Variants in PTCHD4 observed in about 807,000 individuals in gnomAD.
The protein encoded by PTCHD4 is patched domain containing 4, also known as patched domain-containing protein 4.
Under a neutral mutation model 58.1 loss-of-function variants are expected in PTCHD4, and 33 were observed. The ratio of observed to expected loss-of-function variants is 0.57; its 90% confidence interval spans 0.43 to 0.76. The LOEUF is 0.76. PTCHD4 is among the 30% of genes least tolerant of loss of function. The pLI, the probability that PTCHD4 is intolerant of heterozygous loss-of-function variation, is 0.00. For missense variants in PTCHD4, 1,058 were observed against 1,027.1 expected, an observed-to-expected ratio of 1.03 and a Z score of -0.41; for synonymous variants, 478 against 409.6, an observed-to-expected ratio of 1.17 and a Z score of -2.02.
chr6:48,076,580 G>A lies in PTCHD4; in HGVS notation c.-969-6654C>T, dbSNP rs530640018. Among the ~76,000 whole-genome samples the A allele has an allele frequency of 4.6e-5, 7 of 152,320 alleles. No homozygotes were observed. In the East Asian group the frequency reaches 1.3e-3, roughly 29 times the overall value. The stretch of plus-strand genomic sequence containing the variant: ...GGACTGAAGAATGGATGATGTATTA[G>A]CAGGCATGAAAACAATGACCATCTT... On this transcript the variant is annotated intron_variant, in intron 1 of 4. Coordinates refer to ENST00000339488, the MANE Select transcript of PTCHD4 (RefSeq NM_001384253.1).
chr6:48,039,668 GA>G (rs1263122445), intron 3 of PTCHD4, among the ~76,000 whole-genome samples: 3 of 152,080 alleles, frequency 2.0e-5, no homozygotes, highest in African/African-American at 7.2e-5. Context: ...AAAAGGTAGA[GA>G]AAAAATACTT....
chr6:47,909,555 C>T (rs1355976526), intron 4 of PTCHD4, among the ~76,000 whole-genome samples: 1 of 151,994 alleles, frequency 6.6e-6, no homozygotes, highest in Non-Finnish European at 1.5e-5. Flanking sequence ...TCAAGCGGTC[C>T]TTCTATCTTG....
At chr6:47,962,012 A>G (rs1006719183) in intron 4 of PTCHD4, among the ~76,000 whole-genome samples, 1 of 152,166 alleles carries the variant, frequency 6.6e-6, no homozygotes, top group African/African-American at 2.4e-5. Context: ...AAATTAATTC[A>G]AATCTAACCA....
rs145846867 is a variant in PTCHD4, at chr6:47,890,252, G to T, written c.899-10316C>A. On this transcript the variant is annotated intron_variant, in intron 4 of 4. Transcript: ENST00000339488. ...TATATGGAGAGAAAAAGTGAGAAGA[G>T]AAATAGCAATAGAGATGGGAGATGG... Among the ~76,000 whole-genome samples the T allele has an allele frequency of 2.0e-5, 3 of 151,826 alleles. No individual in the cohort carries two copies. In the East Asian group the frequency reaches 5.8e-4, roughly 29 times the overall value.
At chr6:47,989,352 T>C (rs1039089526) in intron 4 of PTCHD4, among the ~76,000 whole-genome samples, 9 of 152,288 alleles carry the variant, frequency 5.9e-5, no homozygotes, top group African/African-American at 2.2e-4. Context: ...GAAGAGGAAT[T>C]CAAGCCAGCT....
Position 47,878,135 on chromosome 6 carries a change from C to A in PTCHD4, c.*168G>T. The A allele has an allele frequency of 1.9e-6, 1 of 532,734 alleles. No homozygotes were observed. The highest frequency in any genetic ancestry group is 4.0e-5 in the South Asian group (1 of 24,882). The allele number at this position is 532,734 out of a possible 1,614,324, so 33.0% of individuals were successfully genotyped here. A position where few individuals can be genotyped will look rare whatever the true frequency, so the allele number is the denominator to read the frequency against. ...ATAACTTTTTCCTCTTTTTTTATTC[C>A]CTCTTCCCCCCAAGAAGCAGGCACC... On this transcript the variant is annotated 3_prime_UTR_variant, in exon 5 of 5. Transcript: ENST00000339488.
intron 4 of PTCHD4, among the ~76,000 whole-genome samples, chr6:47,949,985 T>G (rs1432489993): frequency 6.6e-6 from 1 of 151,700 alleles, no homozygotes; most frequent in Non-Finnish European, 1.5e-5. Flanking sequence ...ACCCATTAAC[T>G]CATCATTTAG....
chr6:47,869,515 G>T lies in PTCHD4; in HGVS notation c.*8788C>A, dbSNP rs962079572. The stretch of plus-strand genomic sequence containing the variant: ...GAAGGTAACATAATTATTAAGGGGT[G>T]TTAAAGTGCTATCTGAATCTTTTAG... On this transcript the variant is annotated 3_prime_UTR_variant, in exon 5 of 5. Transcript: ENST00000339488. Among the ~76,000 whole-genome samples, 1 of 151,710 alleles carries T rather than the reference G, an allele frequency of 6.6e-6. No individual in the cohort carries two copies.
At chr6:47,978,951 C>G (rs1581965158) in intron 4 of PTCHD4, among the ~76,000 whole-genome samples, 1 of 151,754 alleles carries the variant, frequency 6.6e-6, no homozygotes, top group South Asian at 2.1e-4. Context: ...TCTATTCATT[C>G]TTGTTATGAA....
intron 4 of PTCHD4, among the ~76,000 whole-genome samples, chr6:47,904,228 G>C (rs1764805136): frequency 1.3e-5 from 2 of 152,200 alleles, no homozygotes; most frequent in Admixed American, 1.3e-4. Flanking sequence ...ATAGAAGACA[G>C]GGATAAAAGT....
chr6:48,050,417 G>A (rs576087312), intron 3 of PTCHD4, among the ~76,000 whole-genome samples: 151 of 152,074 alleles, frequency 9.9e-4, no homozygotes, highest in African/African-American at 3.4e-3. Context: ...TATGGACAAC[G>A]AAACTGAAGA....
intron 4 of PTCHD4, among the ~76,000 whole-genome samples, chr6:47,893,422 A>G (rs1383353306): frequency 6.6e-6 from 1 of 152,212 alleles, no homozygotes; most frequent in Non-Finnish European, 1.5e-5. Context: ...GGAGTCAGGC[A>G]TTTTGGTCCC....
At chr6:48,024,880 CTTTAT>C (rs1763189814) in intron 3 of PTCHD4, among the ~76,000 whole-genome samples, 1 of 152,068 alleles carries the variant, frequency 6.6e-6, no homozygotes. Flanking sequence ...CTCAAAGCTG[CTTTAT>C]TTTATCACCT....
At chr6:48,108,101 G>A (rs1393797161) in intron 1 of PTCHD4, among the ~76,000 whole-genome samples, 2 of 152,140 alleles carry the variant, frequency 1.3e-5, no homozygotes, top group Non-Finnish European at 2.9e-5. Context: ...CTATTACTGG[G>A]CATATACCCA....
intron 4 of PTCHD4, among the ~76,000 whole-genome samples, chr6:47,933,118 TG>T (rs1218622144): frequency 6.6e-6 from 1 of 152,202 alleles, no homozygotes; most frequent in African/African-American, 2.4e-5. Flanking sequence ...TGCAGGAATT[TG>T]ATATGGCTGA....
In PTCHD4 at chr6:47,966,430, C is replaced by T. The variant is rs150313098; in HGVS notation, c.898+42204G>A. ...TCTCTTTGCTGGTGAAGGGCCTTGCCTCAATGTTGATGGTGCTGACTGATC... is the reference window on the plus strand; with the variant it reads ...TCTCTTTGCTGGTGAAGGGCCTTGCTTCAATGTTGATGGTGCTGACTGATC... On this transcript the variant is annotated intron_variant, in intron 4 of 4. Transcript: ENST00000339488. Among the ~76,000 whole-genome samples, 682 of 152,266 alleles carry T rather than the reference C, an allele frequency of 4.5e-3. 11 individuals are homozygous for T. Among genetic ancestry groups the T allele is most frequent in the African/African-American group, 0.015 (634 of 41,552 alleles).
Position 48,008,663 on chromosome 6 carries a change from G to A in PTCHD4, c.869C>T (p.Thr290Ile), listed in dbSNP as rs1049702731. 1.2e-6 allele frequency: 2 copies of A among 1,613,388 alleles called. No individual in the cohort carries two copies. Among genetic ancestry groups the A allele is most frequent in the African/African-American group, 1.3e-5 (1 of 75,054 alleles). ...FFITDGKYNS[T>I]LLGIPFFAMG... Reference sequence around the variant, plus strand: ...GGCGAAGAACGGGATTCCCAGCAGGGTGGAGTTGTACTTTCCATCGGTGAT... The same window carrying A: ...GGCGAAGAACGGGATTCCCAGCAGGATGGAGTTGTACTTTCCATCGGTGAT... Residue 290 changes from threonine to isoleucine, a missense_variant, in exon 4 of 5, where the codon ACC (threonine) becomes ATC (isoleucine). Physicochemically the swap from Thr to Ile is moderately conservative, Grantham distance 89. Coordinates refer to ENST00000339488, the MANE Select transcript of PTCHD4 (RefSeq NM_001384253.1).
At chr6:47,910,387 G>T (rs1275578089) in intron 4 of PTCHD4, among the ~76,000 whole-genome samples, 4 of 151,990 alleles carry the variant, frequency 2.6e-5, no homozygotes, top group African/African-American at 9.7e-5. Flanking sequence ...CACAGAGGGA[G>T]GGCATATTAC....
At chr6:47,882,741 G>GAGATATATATATATATATATATAT (rs143060584) in intron 4 of PTCHD4, among the ~76,000 whole-genome samples, 2,335 of 102,180 alleles carry the variant, frequency 0.023, 184 homozygotes, top group East Asian at 0.04. Context: ...TGATTCCAGT[G>GAGATATATATATATATATATATAT]ATATATATAT....
Sources: gnomAD v4.1 joint callset for allele counts (sites outside exome capture counted in the v4.1 genomes callset) on GRCh38, gnomAD v4.1.1 for gene constraint, MANE v1.5 for transcripts, NCBI Gene and HGNC (gene_info 2026-07-23, HGNC 2026-07-21) for gene names.